Variants in CFAP77 observed in about 807,000 individuals in gnomAD.
The protein encoded by CFAP77 is cilia- and flagella-associated protein 77.
CFAP77 carries 25 observed loss-of-function variants against 31.1 expected under a neutral mutation model. The ratio of observed to expected loss-of-function variants is 0.80; its 90% CI spans 0.59 to 1.12. The LOEUF is 1.12. Ranked by LOEUF, CFAP77 falls within the 50% of genes most tolerant of loss-of-function variation. CFAP77 has a pLI of 0.00. For missense variants in CFAP77, 377 were observed against 397.3 expected (o/e 0.95, Z 0.44); for synonymous variants, 151 against 159.9 (o/e 0.94, Z 0.42).
chr9:132,523,835 T>G (rs918161135), intron 3 of CFAP77, among the ~76,000 whole-genome samples: 2 of 152,186 alleles, frequency 1.3e-5, no homozygotes, highest in Non-Finnish European at 2.9e-5. Flanking sequence ...CCTGGCTGGC[T>G]GCTTGGTGAG....
chr9:132,457,087 G>A lies in CFAP77; in HGVS notation c.196-41608G>A, dbSNP rs530257367. Among the ~76,000 whole-genome samples, 34 of 152,270 alleles carry A rather than the reference G, an allele frequency of 2.2e-4. No homozygotes were observed. The South Asian group carries it at 2.7e-3, about 12-fold the overall frequency. On this transcript the variant is annotated intron_variant, in intron 1 of 5. Coordinates refer to ENST00000393216, the MANE Select transcript of CFAP77 (RefSeq NM_001282957.2). The stretch of plus-strand genomic sequence containing the variant: ...TGGCCCCTACTGGGACAGCAACTCA[G>A]GGCAATCCTTCTTATGTGTGCAGGA...
intron 1 of CFAP77, among the ~76,000 whole-genome samples, chr9:132,447,866 A>C (rs1850754273): frequency 1.3e-5 from 2 of 152,324 alleles, no homozygotes; most frequent in South Asian, 4.1e-4. Flanking sequence ...CATTCAAAGG[A>C]TATCCACTGG....
intron 3 of CFAP77, among the ~76,000 whole-genome samples, chr9:132,520,911 C>G (rs7036218): frequency 0.44 from 67,139 of 151,870 alleles, 15,438 homozygotes; most frequent in East Asian, 0.77. Flanking sequence ...CCGCAGTCCT[C>G]CATCCCTACC....
chr9:132,550,519 C>CTTTT (rs766424349), intron 5 of CFAP77, among the ~76,000 whole-genome samples: 85 of 102,812 alleles, frequency 8.3e-4, no homozygotes, highest in African/African-American at 1.5e-3. Context: ...TCCCTTGAAG[C>CTTTT]TTTTTTTTTT....
chr9:132,466,952 T>G (rs889113290), intron 1 of CFAP77, among the ~76,000 whole-genome samples: 1 of 151,970 alleles, frequency 6.6e-6, no homozygotes, highest in African/African-American at 2.4e-5. Flanking sequence ...CCGAGGCGGG[T>G]GGATCACCTG....
At chr9:132,443,843 C>G (rs1850661437) in intron 1 of CFAP77, among the ~76,000 whole-genome samples, 1 of 152,228 alleles carries the variant, frequency 6.6e-6, no homozygotes, top group Non-Finnish European at 1.5e-5. Flanking sequence ...AGACACTGGA[C>G]TTGAAAATCA....
intron 3 of CFAP77, among the ~76,000 whole-genome samples, chr9:132,525,815 C>T (rs1041933769): frequency 6.6e-6 from 1 of 152,210 alleles, no homozygotes; most frequent in Non-Finnish European, 1.5e-5. Flanking sequence ...TGGAATCACA[C>T]AGCGTGTAAC....
At chr9:132,544,394 TG>T (rs938015987) in intron 5 of CFAP77, among the ~76,000 whole-genome samples, 18 of 152,176 alleles carry the variant, frequency 1.2e-4, no homozygotes, top group African/African-American at 4.1e-4. Flanking sequence ...TTTCCAGCCA[TG>T]TTGCTTCCTC....
chr9:132,452,876 G>C (rs1850850150), intron 1 of CFAP77, among the ~76,000 whole-genome samples: 1 of 152,172 alleles, frequency 6.6e-6, no homozygotes, highest in South Asian at 2.1e-4. Context: ...GACCCTTTCT[G>C]ACTCTCAAAT....
Position 132,454,068 on chromosome 9 carries a change from C to T in CFAP77, c.195+43602C>T, listed in dbSNP as rs899331459. ...GCAATTTAGGGGCATCATAATTTAT[C>T]GGGGTTCATTTTTTTTGTATCCAAT... On this transcript the variant is annotated intron_variant, in intron 1 of 5. Coordinates refer to ENST00000393216, the MANE Select transcript of CFAP77 (RefSeq NM_001282957.2). 4.6e-5 allele frequency among the ~76,000 whole-genome samples: 7 copies of T among 152,206 alleles called. No homozygotes were observed. The East Asian group carries it at 5.8e-4, about 13-fold the overall frequency.
intron 1 of CFAP77, among the ~76,000 whole-genome samples, chr9:132,470,702 G>C (rs555453635): frequency 6.6e-6 from 1 of 152,206 alleles, no homozygotes; most frequent in African/African-American, 2.4e-5. Flanking sequence ...GCCTTTGTGC[G>C]CCCGTTTAAA....
chr9:132,525,804 A>G (rs1289444012), intron 3 of CFAP77, among the ~76,000 whole-genome samples: 1 of 152,242 alleles, frequency 6.6e-6, no homozygotes, highest in African/African-American at 2.4e-5. Flanking sequence ...TGTTAAATAT[A>G]TGGAATCACA....
At chr9:132,420,930 A>G (rs1200989193) in intron 1 of CFAP77, among the ~76,000 whole-genome samples, 1 of 149,478 alleles carries the variant, frequency 6.7e-6, no homozygotes, top group East Asian at 2.0e-4. Flanking sequence ...CCCAGCACTG[A>G]GGGCAGCTCC....
chr9:132,427,426 T>G (rs149314229), intron 1 of CFAP77, among the ~76,000 whole-genome samples: 312 of 152,258 alleles, frequency 2.0e-3, no homozygotes, highest in African/African-American at 7.2e-3. Flanking sequence ...CCCTCTGTAT[T>G]AGGGCTGCCT....
At position 132,498,815 on chromosome 9, in the gene CFAP77, C is replaced by T. The variant is rs1228699167; in HGVS notation, c.295+21C>T. 6.4e-7 allele frequency: 1 copy of T among 1,560,104 alleles called. No homozygotes were observed. Among genetic ancestry groups the T allele is most frequent in the Non-Finnish European group, 8.8e-7 (1 of 1,138,286 alleles). On this transcript the variant is annotated intron_variant, in intron 2 of 5. Transcript: ENST00000393216. The surrounding 1 kb of genome is among the most constrained non-coding windows in gnomAD (Gnocchi z 4.2). ...TGAAGGTGAGCGAGCAGCTTTGGAG[C>T]ATGAGGGCAGAGGAGTGGGAGGGAG...
intron 1 of CFAP77, among the ~76,000 whole-genome samples, chr9:132,445,261 A>C (rs1390818876): frequency 1.3e-5 from 2 of 152,278 alleles, no homozygotes; most frequent in East Asian, 3.9e-4. Flanking sequence ...GGTGTGAGCC[A>C]CTGTGCCTGG....
chr9:132,418,290 G>C (rs1422712388), intron 1 of CFAP77, among the ~76,000 whole-genome samples: 1 of 152,256 alleles, frequency 6.6e-6, no homozygotes, highest in Non-Finnish European at 1.5e-5. Context: ...GCAGAGGACA[G>C]AGATGCTGCT....
At chr9:132,528,482 C>A (rs890867441) in intron 3 of CFAP77, among the ~76,000 whole-genome samples, 1 of 149,270 alleles carries the variant, frequency 6.7e-6, no homozygotes, top group African/African-American at 2.4e-5. Flanking sequence ...AAAGCATTGG[C>A]AACAAAAGCC....
At chr9:132,438,541 ATT>A (rs10641294) in intron 1 of CFAP77, among the ~76,000 whole-genome samples, 13,205 of 107,582 alleles carry the variant, frequency 0.12, 864 homozygotes, top group East Asian at 0.24. Flanking sequence ...ATATATATAT[ATT>A]TTTTTTTTTT....
Sources: allele counts gnomAD v4.1 joint callset (sites outside exome capture counted in the v4.1 genomes callset), GRCh38; gene constraint gnomAD v4.1.1; non-coding constraint Gnocchi (gnomAD v3.1); transcripts MANE v1.5; gene names NCBI Gene and HGNC (gene_info 2026-07-23, HGNC 2026-07-21).